RERE: variants seen among roughly 807,000 people sequenced by gnomAD.
RERE encodes arginine-glutamic acid dipeptide repeats protein.
RERE carries 40 observed loss-of-function variants against 146.1 expected under a neutral mutation model. The ratio of observed to expected loss-of-function variants is 0.27; its 90% CI spans 0.21 to 0.36. The LOEUF is 0.36. Ranked by LOEUF, RERE falls within the 10% of genes least tolerant of loss-of-function variation. The pLI is 1.00. For synonymous variants in RERE, 1,003 were observed against 866.0 expected (o/e 1.16, Z -2.78); for missense variants, 1,933 against 2,138.7 (o/e 0.90, Z 1.90).
intron 1 of RERE, chr1:8,799,621 G>C (rs1481932139): frequency 6.6e-6 from 1 of 152,224 alleles, no homozygotes; most frequent in East Asian, 1.9e-4. Context: ...TAAACAGGAG[G>C]ATCGCTTGAG....
At chr1:8,360,030 C>G (rs1641492670) in intron 18 of RERE, 44 bp from the exon 19 acceptor site, 1 of 1,597,494 alleles carries the variant, frequency 6.3e-7, no homozygotes, top group African/African-American at 1.3e-5. Context: ...TGCCGAGACC[C>G]ACCCCGGCCC....
At position 8,358,575 on chromosome 1, in the gene RERE, C is replaced by T. The variant is rs766546084; in HGVS notation, c.3960G>A (p.Arg1320=). The change falls in exon 20 of 23, where the codon CGG becomes CGA. Residue 1320 remains arginine, a synonymous_variant. Transcript: ENST00000400908. The part of the protein sequence containing the change: ...REREIREREL[R]ERMKPGFEVK... Reference sequence around the variant, plus strand: ...CCTCGAAGCCCGGCTTCATCCTCTCCCGCAGCTCCCGCTCTCGGATCTCCC... The same window carrying T: ...CCTCGAAGCCCGGCTTCATCCTCTCTCGCAGCTCCCGCTCTCGGATCTCCC... The T allele has an allele frequency of 6.2e-7, 1 of 1,606,354 alleles. No homozygotes were observed. The highest frequency in any genetic ancestry group is 8.5e-7 in the Non-Finnish European group (1 of 1,176,820).
chr1:8,531,115 A>C (rs1472769459), intron 7 of RERE, among the ~76,000 whole-genome samples: 1 of 151,826 alleles, frequency 6.6e-6, no homozygotes, highest in Non-Finnish European at 1.5e-5. Context: ...CTGTCCATCC[A>C]TCCATCCATC....
intron 1 of RERE, among the ~76,000 whole-genome samples, chr1:8,719,108 T>C (rs549339802): frequency 6.6e-6 from 1 of 152,318 alleles, no homozygotes; most frequent in Non-Finnish European, 1.5e-5. Context: ...CTTTTCATCC[T>C]TGTTACTATC....
chr1:8,483,648 G>A lies in RERE; in HGVS notation c.1104+11415C>T, dbSNP rs188407788. ...ACCATTTAGTATCTCTCTACCATGTGTCAGGCATCAGACTAGGGTTAGAAA... is the reference window on the plus strand; with the variant it reads ...ACCATTTAGTATCTCTCTACCATGTATCAGGCATCAGACTAGGGTTAGAAA... On this transcript the variant is annotated intron_variant, in intron 10 of 22. Transcript: ENST00000400908. Among the ~76,000 whole-genome samples, 12 of 152,278 alleles carry A rather than the reference G, an allele frequency of 7.9e-5. No individual in the cohort carries two copies. The East Asian group carries it at 1.9e-3, about 24-fold the overall frequency.
intron 1 of RERE, among the ~76,000 whole-genome samples, chr1:8,789,301 A>AAAAAAAAAAAAAATATATATAT: frequency 2.0e-4 from 5 of 24,804 alleles, no homozygotes; most frequent in African/African-American, 6.9e-4. Context: ...AAAAAAAAAA[A>AAAAAAAAAAAAAATATATATAT]ATATATATAT....
At chr1:8,452,921 T>G (rs545831257) in intron 11 of RERE, among the ~76,000 whole-genome samples, 7 of 152,280 alleles carry the variant, frequency 4.6e-5, no homozygotes, top group South Asian at 2.1e-4. Flanking sequence ...AATGCCTGAG[T>G]GCCTAAGATG....
chr1:8,372,593 G>A (rs902356), intron 12 of RERE, among the ~76,000 whole-genome samples: 33,221 of 150,506 alleles, frequency 0.22, 5,240 homozygotes, highest in East Asian at 0.75. Flanking sequence ...AACCGTATGC[G>A]CACCCCCTTT....
chr1:8,805,679 TAGTC>T (rs1407304695), intron 1 of RERE, among the ~76,000 whole-genome samples: 7 of 149,772 alleles, frequency 4.7e-5, no homozygotes, highest in Admixed American at 1.3e-4. Flanking sequence ...AAACAAAAAT[TAGTC>T]AGGCATGGTG....
intron 1 of RERE, among the ~76,000 whole-genome samples, chr1:8,743,428 T>A (rs1459108692): frequency 2.9e-4 from 2 of 6,816 alleles, no homozygotes; most frequent in East Asian, 0.026. Flanking sequence ...ACAGGCTAAT[T>A]TTTTTTTTTT....
In RERE at chr1:8,538,613, G is replaced by A. The variant is rs747169559; in HGVS notation, c.830+2601C>T. ...CTCCACTGCTGCAAATGTCTACAAC[G>A]GCCTTTACACTTCAACTGTGAGAAG... is the stretch of plus-strand genomic sequence containing the variant. On this transcript the variant is annotated intron_variant, in intron 7 of 22. Transcript: ENST00000400908. Among the ~76,000 whole-genome samples, 82 of 152,268 alleles carry A rather than the reference G, an allele frequency of 5.4e-4. 1 individual carries two copies. Among genetic ancestry groups the A allele is most frequent in the Middle Eastern group, 3.4e-3 (1 of 294 alleles).
intron 11 of RERE, among the ~76,000 whole-genome samples, chr1:8,428,222 G>A (rs977262139): frequency 1.3e-5 from 2 of 152,192 alleles, no homozygotes; most frequent in Non-Finnish European, 1.5e-5. Context: ...CAGCTCTGCT[G>A]TTTATGCTCC....
intron 10 of RERE, among the ~76,000 whole-genome samples, chr1:8,493,420 T>C (rs371715764): frequency 1.3e-5 from 2 of 152,212 alleles, no homozygotes; most frequent in East Asian, 1.9e-4. Context: ...CATTCTCTTA[T>C]TTACAGAATG....
At chr1:8,776,970 C>T (rs977036196) in intron 1 of RERE, among the ~76,000 whole-genome samples, 1 of 151,948 alleles carries the variant, frequency 6.6e-6, no homozygotes, top group East Asian at 1.9e-4. Context: ...CTCAAGCTAT[C>T]CGCCTGTCTC....
chr1:8,667,356 T>G (rs550171425), intron 1 of RERE, among the ~76,000 whole-genome samples: 1 of 152,246 alleles, frequency 6.6e-6, no homozygotes, highest in Non-Finnish European at 1.5e-5. Flanking sequence ...CAATAAAAAT[T>G]TAAAATCCTG....
At chr1:8,405,270 T>A (rs1260159800) in intron 12 of RERE, among the ~76,000 whole-genome samples, 1 of 152,168 alleles carries the variant, frequency 6.6e-6, no homozygotes, top group Non-Finnish European at 1.5e-5. Context: ...TAGGAATGAA[T>A]CTTAAGGAAA....
chr1:8,512,170 A>G (rs1645349711), intron 7 of RERE, among the ~76,000 whole-genome samples: 1 of 148,790 alleles, frequency 6.7e-6, no homozygotes, highest in African/African-American at 2.5e-5. Flanking sequence ...AGTAGCTGGG[A>G]CTACAGGCGC....
intron 4 of RERE, among the ~76,000 whole-genome samples, chr1:8,612,811 T>C (rs1338589798): frequency 2.6e-5 from 4 of 152,310 alleles, no homozygotes; most frequent in African/African-American, 7.2e-5. Flanking sequence ...TAGAAGTAGG[T>C]AGTCACATTG....
At chr1:8,759,098 A>T (rs1640703113) in intron 1 of RERE, among the ~76,000 whole-genome samples, 1 of 152,198 alleles carries the variant, frequency 6.6e-6, no homozygotes, top group Non-Finnish European at 1.5e-5. Context: ...CAACACAGTG[A>T]GACTCCATCT....
Sources: gnomAD v4.1 joint callset for allele counts (sites outside exome capture counted in the v4.1 genomes callset) on GRCh38, gnomAD v4.1.1 for gene constraint, MANE v1.5 for transcripts, NCBI Gene and HGNC (gene_info 2026-07-23, HGNC 2026-07-21) for gene names.